Variants in SPTBN4 observed in about 807,000 individuals in gnomAD.
SPTBN4 encodes the protein spectrin beta chain, non-erythrocytic 4.
In SPTBN4, 96 loss-of-function variants were observed where a neutral mutation model predicts 277.8. That is an observed-to-expected ratio of 0.35 (90% CI 0.29 to 0.41). The LOEUF is 0.41. SPTBN4 is among the 10% of genes least tolerant of loss of function. The pLI, the probability that SPTBN4 is intolerant of heterozygous loss-of-function variation, is 1.00. For synonymous variants in SPTBN4, 1,481 were observed against 1,580.3 expected, an observed-to-expected ratio of 0.94 and a Z score of 1.49; for missense variants, 3,006 against 3,595.7, an observed-to-expected ratio of 0.84 and a Z score of 4.19.
In SPTBN4 at chr19:40,575,659, C is replaced by T. The variant is rs1329735310; in HGVS notation, c.*90C>T. On this transcript the variant is annotated 3_prime_UTR_variant, in exon 36 of 36. Transcript: ENST00000598249. Reference sequence around the variant, plus strand: ...ACTTTTTCTTCCGCAGGGGCGGGAGCCCCTAGTTCCAACACTGAGGACGCG... The same window carrying T: ...ACTTTTTCTTCCGCAGGGGCGGGAGTCCCTAGTTCCAACACTGAGGACGCG... 4 of 1,446,588 alleles carry T rather than the reference C, an allele frequency of 2.8e-6. No individual in the cohort carries two copies. The highest frequency in any genetic ancestry group is 3.7e-6 in the Non-Finnish European group (4 of 1,092,412). The allele number at this position is 1,446,588 out of a possible 1,614,324, so 89.6% of individuals were successfully genotyped here.
Position 40,532,707 on chromosome 19 carries a change from T to C in SPTBN4, c.4031T>C (p.Leu1344Pro), listed in dbSNP as rs2080691248. 6.2e-7 allele frequency: 1 copy of C among 1,613,362 alleles called. No individual in the cohort carries two copies. The highest frequency in any genetic ancestry group is 1.1e-5 in the South Asian group (1 of 91,042). The change falls in exon 19 of 36, where the codon CTC (leucine) becomes CCC (proline). Residue 1344 changes from leucine (L) to proline (P), a missense_variant. Physicochemically the swap from Leu to Pro is moderately conservative, Grantham distance 98. This residue lies in a region of SPTBN4 where 1,759 missense variants were observed against 2,061.5 expected (regional missense o/e 0.85). Coordinates refer to ENST00000598249, the MANE Select transcript of SPTBN4 (RefSeq NM_020971.3). ...EDNHKLHKRW[L>P]RHQAFMAELA... Reference sequence around the variant, plus strand: ...AACCACAAGCTGCATAAGAGATGGCTCCGGCACCAGGCATTCATGGCCGAG... The same window carrying C: ...AACCACAAGCTGCATAAGAGATGGCCCCGGCACCAGGCATTCATGGCCGAG...
At chr19:40,552,384 G>A (rs1221785215) in intron 22 of SPTBN4, among the ~76,000 whole-genome samples, 2 of 150,510 alleles carry the variant, frequency 1.3e-5, no homozygotes, top group African/African-American at 4.9e-5. Context: ...GAACCTAGGA[G>A]GCGGAGGTTG....
intron 13 of SPTBN4, among the ~76,000 whole-genome samples, chr19:40,509,820 G>A (rs1568790771): frequency 6.6e-6 from 1 of 152,082 alleles, no homozygotes; most frequent in Non-Finnish European, 1.5e-5. Context: ...AGCCGACCTG[G>A]GTCACATCCT....
At position 40,508,112 on chromosome 19, in the gene SPTBN4, G is replaced by A. The variant is rs561139222; in HGVS notation, c.1816+1726G>A. ...CCCCAGGGCATGCAGTGATCTAATC[G>A]GCCACATGCATGTGACCTGCCTACC... On this transcript the variant is annotated intron_variant, in intron 13 of 35. Transcript: ENST00000598249. Among the ~76,000 whole-genome samples, 7 of 152,274 alleles carry A rather than the reference G, an allele frequency of 4.6e-5. 1 individual carries two copies. The highest frequency in any genetic ancestry group is 7.2e-5 in the African/African-American group (3 of 41,548).
intron 2 of SPTBN4, among the ~76,000 whole-genome samples, chr19:40,487,123 G>T (rs957506401): frequency 3.3e-5 from 5 of 150,304 alleles, no homozygotes; most frequent in Admixed American, 3.3e-4. Context: ...TGCAACCTCC[G>T]CTCCCTGGTT....
chr19:40,482,967 A>G (rs907586234), intron 2 of SPTBN4, among the ~76,000 whole-genome samples: 132 of 151,762 alleles, frequency 8.7e-4, no homozygotes, highest in African/African-American at 3.0e-3. Context: ...TTTCAAAAAA[A>G]TAATAATAAA....
intron 31 of SPTBN4, among the ~76,000 whole-genome samples, chr19:40,569,456 C>T (rs993081332): frequency 6.6e-6 from 1 of 150,538 alleles, no homozygotes; most frequent in Non-Finnish European, 1.5e-5. Flanking sequence ...TTCAAAGGGG[C>T]GAGAGGTTTG....
chr19:40,571,687 C>T (rs1423147584), intron 33 of SPTBN4: 3 of 223,222 alleles, frequency 1.3e-5, no homozygotes, highest in African/African-American at 6.8e-5. Context: ...ATAGACTTTC[C>T]TTGAGAAAGC....
At position 40,575,605 on chromosome 19, in the gene SPTBN4, CCT is replaced by C. The variant is rs1346550020; in HGVS notation, c.*39_*40del. 1.9e-6 allele frequency: 3 copies of C among 1,585,968 alleles called. No homozygotes were observed. The South Asian group carries it at 3.4e-5, about 18-fold the overall frequency. On this transcript the variant is annotated 3_prime_UTR_variant, in exon 36 of 36. Coordinates refer to ENST00000598249, the MANE Select transcript of SPTBN4 (RefSeq NM_020971.3). ...CCAGGACCTGACACATCTCGTCTCCCCTCTTTTCCGCACTGTGGGCACAAAGA... is the reference window on the plus strand; with the variant it reads ...CCAGGACCTGACACATCTCGTCTCCCCTTTTCCGCACTGTGGGCACAAAGA...
chr19:40,487,559 T>G, intron 2 of SPTBN4, 138 bp from the exon 3 acceptor site: 1 of 1,065,280 alleles, frequency 9.4e-7, no homozygotes, highest in Non-Finnish European at 1.3e-6. Flanking sequence ...TTGGCCAGGC[T>G]GGTCTCGAAC....
rs1214732958 is a variant in SPTBN4, at chr19:40,467,214, G to A, written c.-107G>A. Reference sequence around the variant, plus strand: ...GGCCGAGCTGAGCCGGGCTGGGCCGGGCCGGGCCGGGCCGGGCAGCGGACG... The same window carrying A: ...GGCCGAGCTGAGCCGGGCTGGGCCGAGCCGGGCCGGGCCGGGCAGCGGACG... On this transcript the variant is annotated 5_prime_UTR_variant, in exon 1 of 36. Coordinates refer to ENST00000598249, the MANE Select transcript of SPTBN4 (RefSeq NM_020971.3). The A allele has an allele frequency of 2.0e-5, 3 of 150,420 alleles. No individual in the cohort carries two copies. The highest frequency in any genetic ancestry group is 1.3e-4 in the Admixed American group (2 of 15,048). The allele number at this position is 150,420 out of a possible 1,614,324, so 9.3% of individuals were successfully genotyped here. A position where few individuals can be genotyped will look rare whatever the true frequency, so the allele number is the denominator to read the frequency against.
Position 40,570,746 on chromosome 19 carries a change from G to T in SPTBN4, c.7319+18G>T. 1 of 1,600,390 alleles carries T rather than the reference G, an allele frequency of 6.2e-7. No individual in the cohort carries two copies. Among genetic ancestry groups the T allele is most frequent in the South Asian group, 1.1e-5 (1 of 89,468 alleles). On this transcript the variant is annotated intron_variant, in intron 33 of 35. Transcript: ENST00000598249. ...TCCAACCGGTGAGCGTGTGGGCGGGGCTTTGGAAGGCGGGTCTCAGGCTCA... is the reference window on the plus strand; with the variant it reads ...TCCAACCGGTGAGCGTGTGGGCGGGTCTTTGGAAGGCGGGTCTCAGGCTCA...
chr19:40,551,404 C>T (rs1426264093), intron 22 of SPTBN4, among the ~76,000 whole-genome samples: 1 of 66,476 alleles, frequency 1.5e-5, no homozygotes, highest in African/African-American at 9.3e-5. Context: ...CTCTCTCACA[C>T]ACACACACAC....
At chr19:40,479,183 G>A (rs769572223) in intron 2 of SPTBN4, among the ~76,000 whole-genome samples, 5 of 152,014 alleles carry the variant, frequency 3.3e-5, no homozygotes, top group Admixed American at 6.6e-5. Flanking sequence ...CTGCAGCCTC[G>A]ACCTCCCAGG....
At chr19:40,550,508 T>G (rs2080906654) in intron 22 of SPTBN4, among the ~76,000 whole-genome samples, 181 bp downstream of exon 22, 1 of 150,102 alleles carries the variant, frequency 6.7e-6, no homozygotes, top group Non-Finnish European at 1.5e-5. Context: ...GGCTCTATTT[T>G]TTTTTTTTTT....
chr19:40,554,271 A>T lies in SPTBN4; in HGVS notation c.4799A>T (p.Gln1600Leu), dbSNP rs1000632899. The T allele has an allele frequency of 3.3e-6, 5 of 1,534,552 alleles. No individual in the cohort carries two copies. In the African/African-American group the frequency reaches 5.5e-5, roughly 17 times the overall value. ...EAVRRGLEQL[Q>L]SAWAGLREAA... is the part of the protein sequence containing the mutation. ...GTGCGCCGGGGCCTGGAGCAGCTGC[A>T]GAGCGCCTGGGCCGGACTGCGGGAG... is the stretch of plus-strand genomic sequence containing the variant. The change falls in exon 23 of 36, where the codon CAG (glutamine) becomes CTG (leucine). Residue 1600 changes from glutamine to leucine, a missense_variant. Coordinates refer to ENST00000598249, the MANE Select transcript of SPTBN4 (RefSeq NM_020971.3). This position sits in a 1 kb window ranked among gnomAD's most constrained non-coding sequence, Gnocchi z 5.7.
Position 40,490,562 on chromosome 19 carries a change from C to T in SPTBN4, c.495+314C>T, listed in dbSNP as rs2080125653. ...AAATGGAAGCCCAGATAGGTGGTGTCATCTGCCCAAGATCACATATACCTG... is the reference window on the plus strand; with the variant it reads ...AAATGGAAGCCCAGATAGGTGGTGTTATCTGCCCAAGATCACATATACCTG... On this transcript the variant is annotated intron_variant, in intron 4 of 35. Transcript: ENST00000598249. This position sits in a 1 kb window ranked among gnomAD's most constrained non-coding sequence, Gnocchi z 4.3. Among the ~76,000 whole-genome samples the T allele has an allele frequency of 6.6e-6, 1 of 152,166 alleles. No homozygotes were observed. Among genetic ancestry groups the T allele is most frequent in the South Asian group, 2.1e-4 (1 of 4,826 alleles).
chr19:40,524,831 C>G (rs958414764), intron 17 of SPTBN4, among the ~76,000 whole-genome samples: 1 of 152,248 alleles, frequency 6.6e-6, no homozygotes, highest in African/African-American at 2.4e-5. Context: ...ACTCTCTTGT[C>G]TGTCCTTGCA....
Position 40,557,063 on chromosome 19 carries a change from G to T in SPTBN4, c.5330G>T (p.Gly1777Val). Residue 1777 changes from glycine to valine, a missense_variant, in exon 26 of 36, where the codon GGT (glycine) becomes GTT (valine). This residue lies in a region of SPTBN4 where 425 missense variants were observed against 594.7 expected (regional missense o/e 0.71). Transcript: ENST00000598249. ...TTCTCAGAGTTTGCCAGCGAGACAG[G>T]TATGGCAGGGCGGGAACGGCTGGCA... is the stretch of plus-strand genomic sequence containing the variant. Reference protein sequence around the residue: ...EKFSEFASETGMAGRERLAAV... With the variant: ...EKFSEFASETVMAGRERLAAV... The T allele has an allele frequency of 6.3e-7, 1 of 1,577,462 alleles. No homozygotes were observed. Among genetic ancestry groups the T allele is most frequent in the South Asian group, 1.1e-5 (1 of 87,822 alleles).
Sources: gnomAD v4.1 joint callset for allele counts (sites outside exome capture counted in the v4.1 genomes callset) on GRCh38, gnomAD v4.1.1 for gene constraint, gnomAD v4.1.1 regional missense constraint, Gnocchi (gnomAD v3.1) non-coding constraint, MANE v1.5 for transcripts, NCBI Gene and HGNC (gene_info 2026-07-23, HGNC 2026-07-21) for gene names.